Variants in MAGI3 observed in about 807,000 individuals in gnomAD.
MAGI3 encodes the protein membrane-associated guanylate kinase, WW and PDZ domain-containing protein 3.
In MAGI3, 43 loss-of-function variants were observed where a neutral mutation model predicts 121.8. The observed-to-expected ratio is 0.35, with a 90% CI of 0.28 to 0.46. The LOEUF (loss-of-function observed/expected upper bound fraction) is 0.46, where lower values mean the gene tolerates loss of function less well. Among genes scored for constraint, MAGI3 ranks in the 20% least tolerant of loss-of-function variants. The probability of loss-of-function intolerance (pLI) is 1.00; values close to 1 mark genes in which losing one functional copy is unlikely to be tolerated. For synonymous variants in MAGI3, 553 were observed against 639.3 expected, an observed-to-expected ratio of 0.86 and a Z score of 2.04; for missense variants, 1,547 against 1,797.3, an observed-to-expected ratio of 0.86 and a Z score of 2.52.
intron 2 of MAGI3, among the ~76,000 whole-genome samples, chr1:113,567,678 C>G (rs978917793): frequency 1.3e-5 from 2 of 151,942 alleles, no homozygotes; most frequent in African/African-American, 2.4e-5. Context: ...ATTCAGTACC[C>G]TATCAGGATT....
intron 1 of MAGI3, among the ~76,000 whole-genome samples, chr1:113,426,635 G>C (rs1416291321): frequency 6.6e-6 from 1 of 152,116 alleles, no homozygotes; most frequent in Admixed American, 6.5e-5. Flanking sequence ...TTTTATCACT[G>C]TGTAATATTC....
At chr1:113,639,090 C>T (rs1197445694) in intron 9 of MAGI3, among the ~76,000 whole-genome samples, 7 of 152,204 alleles carry the variant, frequency 4.6e-5, no homozygotes, top group African/African-American at 1.7e-4. Flanking sequence ...ATCAGAAAAG[C>T]GCAGTATTCG....
In MAGI3 at chr1:113,391,445, C is replaced by T; in HGVS notation, c.316+96C>T. The T allele has an allele frequency of 7.4e-7, 1 of 1,349,392 alleles. No homozygotes were observed. The highest frequency in any genetic ancestry group is 1.0e-6 in the Non-Finnish European group (1 of 975,660). 83.6% of individuals were successfully genotyped at this position (1,349,392 alleles called of 1,614,324 possible). ...GCGGCACCTCCCCACCGCGTATTGT[C>T]CCGGGTAATCTTAGACCTCTAGGGT... On this transcript the variant is annotated intron_variant, in intron 1 of 20. Transcript: ENST00000307546. This position sits in a 1 kb window ranked among gnomAD's most constrained non-coding sequence, Gnocchi z 4.4.
chr1:113,394,068 T>C (rs1216350546), intron 1 of MAGI3, among the ~76,000 whole-genome samples: 4 of 152,238 alleles, frequency 2.6e-5, no homozygotes, highest in Non-Finnish European at 4.4e-5. Flanking sequence ...GTAGCACTGA[T>C]TCTTCCTAGC....
intron 1 of MAGI3, among the ~76,000 whole-genome samples, chr1:113,495,861 ACT>A (rs767891878): frequency 4.6e-5 from 7 of 152,226 alleles, no homozygotes; most frequent in Non-Finnish European, 7.3e-5. Context: ...AGCTCAGCTA[ACT>A]CTGCCATATT....
At chr1:113,608,744 A>G (rs1213546239) in intron 6 of MAGI3, among the ~76,000 whole-genome samples, 1 of 152,188 alleles carries the variant, frequency 6.6e-6, no homozygotes, top group Admixed American at 6.5e-5. Context: ...GAAACTGGAA[A>G]TGTTCCTCCC....
At chr1:113,425,129 A>G (rs1015894525) in intron 1 of MAGI3, among the ~76,000 whole-genome samples, 1 of 152,028 alleles carries the variant, frequency 6.6e-6, no homozygotes, top group African/African-American at 2.4e-5. Context: ...ATTGCACTCC[A>G]GCCTGGGCAA....
intron 1 of MAGI3, among the ~76,000 whole-genome samples, chr1:113,482,245 C>T (rs988136037): frequency 1.3e-5 from 2 of 152,006 alleles, no homozygotes; most frequent in African/African-American, 2.4e-5. Flanking sequence ...TGATGTTGAA[C>T]TTTTGAGGGT....
chr1:113,398,305 C>CT (rs1412024628), intron 1 of MAGI3, among the ~76,000 whole-genome samples: 2 of 152,082 alleles, frequency 1.3e-5, no homozygotes, highest in Non-Finnish European at 2.9e-5. Flanking sequence ...AAGGGTTAAA[C>CT]TTTTTTGCCA....
At chr1:113,497,118 G>A (rs952969577) in intron 1 of MAGI3, among the ~76,000 whole-genome samples, 3 of 152,164 alleles carry the variant, frequency 2.0e-5, no homozygotes, top group Non-Finnish European at 2.9e-5. Context: ...TTAGCTGGGC[G>A]TGATGGCGCA....
At chr1:113,527,070 C>T (rs1658488595) in intron 1 of MAGI3, among the ~76,000 whole-genome samples, 1 of 151,910 alleles carries the variant, frequency 6.6e-6, no homozygotes. Context: ...AGAACAGGTG[C>T]CAGGTACATA....
chr1:113,529,930 TG>T (rs1658627053), intron 1 of MAGI3, among the ~76,000 whole-genome samples: 1 of 152,164 alleles, frequency 6.6e-6, no homozygotes, highest in Admixed American at 6.5e-5. Flanking sequence ...TTTTTCTATT[TG>T]TTTTTTTAAA....
At chr1:113,494,672 A>G (rs1656831882) in intron 1 of MAGI3, among the ~76,000 whole-genome samples, 1 of 152,166 alleles carries the variant, frequency 6.6e-6, no homozygotes, top group African/African-American at 2.4e-5. Context: ...AAAAGGTAGC[A>G]TTCATAAGTG....
rs368403526 is a variant in MAGI3 at position 113,401,871 on chromosome 1, A to C, written c.316+10522A>C. 5.9e-5 allele frequency among the ~76,000 whole-genome samples: 9 copies of C among 152,326 alleles called. No individual in the cohort carries two copies. The East Asian group carries it at 1.4e-3, about 23-fold the overall frequency. ...TCCTTCTAGACTTCGAGTATTGCAC[A>C]CCTAAGATGGATCCTTTGAAGAGGC... On this transcript the variant is annotated intron_variant, in intron 1 of 20. Coordinates refer to ENST00000307546, the MANE Select transcript of MAGI3 (RefSeq NM_001142782.2).
intron 1 of MAGI3, among the ~76,000 whole-genome samples, chr1:113,455,255 A>C (rs1654689865): frequency 6.6e-6 from 1 of 152,148 alleles, no homozygotes; most frequent in South Asian, 2.1e-4. Context: ...TAAAAAGAGG[A>C]TCAGGGAGAG....
rs1016701483 is a variant in MAGI3 at position 113,412,482 on chromosome 1, C to T, written c.316+21133C>T. ...CACAATGATTGAACCAATTTACACT[C>T]CCACCAATAGTGTAAAAGTGTTCCT... On this transcript the variant is annotated intron_variant, in intron 1 of 20. Transcript: ENST00000307546. 4.2e-4 allele frequency among the ~76,000 whole-genome samples: 64 copies of T among 152,128 alleles called. 1 individual carries two copies. The highest frequency in any genetic ancestry group is 3.1e-3 in the Admixed American group (48 of 15,276).
At chr1:113,552,952 A>G (rs996596371) in intron 2 of MAGI3, among the ~76,000 whole-genome samples, 4 of 152,220 alleles carry the variant, frequency 2.6e-5, no homozygotes, top group African/African-American at 7.2e-5. Flanking sequence ...TTTGGAGCAT[A>G]TAAGTGTATC....
chr1:113,653,792 T>C, intron 14 of MAGI3, 38 bp from the exon 15 acceptor site: 5 of 1,473,598 alleles, frequency 3.4e-6, no homozygotes, highest in Non-Finnish European at 4.5e-6. Flanking sequence ...GAAATTATGA[T>C]GTTCCAGACA....
chr1:113,655,794 C>T (rs1653434001), intron 15 of MAGI3, among the ~76,000 whole-genome samples: 1 of 152,114 alleles, frequency 6.6e-6, no homozygotes, highest in Admixed American at 6.6e-5. Flanking sequence ...TAGAGACACT[C>T]CCTGTCTCAT....
Sources: allele counts gnomAD v4.1 joint callset (sites outside exome capture counted in the v4.1 genomes callset), GRCh38; gene constraint gnomAD v4.1.1; non-coding constraint Gnocchi (gnomAD v3.1); transcripts MANE v1.5; gene names NCBI Gene and HGNC (gene_info 2026-07-23, HGNC 2026-07-21).